PAAF1: variants seen among roughly 807,000 people sequenced by gnomAD.
PAAF1 encodes proteasomal ATPase-associated factor 1.
PAAF1 carries 46 observed loss-of-function variants against 52.8 expected under a neutral mutation model. The observed-to-expected ratio is 0.87, with a 90% CI of 0.69 to 1.11. PAAF1 has a LOEUF of 1.11. Among genes scored for constraint, PAAF1 ranks in the 50% most tolerant of loss-of-function variants. The probability of loss-of-function intolerance (pLI) is 0.00; values close to 1 mark genes in which losing one functional copy is unlikely to be tolerated. For missense variants in PAAF1, 424 were observed against 477.4 expected, an observed-to-expected ratio of 0.89 and a Z score of 1.04; for synonymous variants, 178 against 172.8, an observed-to-expected ratio of 1.03 and a Z score of -0.24.
intron 7 of PAAF1, among the ~76,000 whole-genome samples, chr11:73,913,712 GA>G (rs1482619957): frequency 6.9e-6 from 1 of 144,592 alleles, no homozygotes; most frequent in Non-Finnish European, 1.5e-5. Context: ...AAAAAAAAAA[GA>G]AAAAAAGAAT....
rs1950442363 is a variant in PAAF1, at chr11:73,930,504, T to C, written c.*3142T>C. 6.6e-6 allele frequency: 1 copy of C among 152,210 alleles called. No homozygotes were observed. Among genetic ancestry groups the C allele is most frequent in the Non-Finnish European group, 1.5e-5 (1 of 68,082 alleles). The allele number at this position is 152,210 out of a possible 1,614,324, so 9.4% of individuals were successfully genotyped here. On this transcript the variant is annotated 3_prime_UTR_variant, in exon 12 of 12. Transcript: ENST00000310571. ...GCTCACGCCTGTAATCCCAGCACTT[T>C]GGGAGGCTGGGGTGGGTGGATCGCT...
intron 1 of PAAF1, chr11:73,877,357 A>G (rs1321659893): frequency 3.4e-6 from 1 of 294,110 alleles, no homozygotes; most frequent in Admixed American, 5.2e-5. Flanking sequence ...CTTTTGGCCA[A>G]GCAGTCATTT....
intron 2 of PAAF1, among the ~76,000 whole-genome samples, chr11:73,882,871 G>T (rs71464089): frequency 0.057 from 8,650 of 151,974 alleles, 273 homozygotes; most frequent in Middle Eastern, 0.11. Context: ...CCAAAGTGCT[G>T]GGATTACAGG....
At chr11:73,911,015 C>G (rs1162838996) in intron 7 of PAAF1, among the ~76,000 whole-genome samples, 1 of 141,692 alleles carries the variant, frequency 7.1e-6, no homozygotes, top group Non-Finnish European at 1.5e-5. Context: ...AAAAAAAGTA[C>G]AGGGAGTTCT....
At chr11:73,924,913 G>A (rs1950311325) in intron 11 of PAAF1, among the ~76,000 whole-genome samples, 1 of 152,106 alleles carries the variant, frequency 6.6e-6, no homozygotes, top group African/African-American at 2.4e-5. Context: ...AGTACTTTGG[G>A]AGGCCGAGAC....
At chr11:73,904,267 A>G (rs1949700313) in intron 6 of PAAF1, among the ~76,000 whole-genome samples, 1 of 152,100 alleles carries the variant, frequency 6.6e-6, no homozygotes, top group African/African-American at 2.4e-5. Context: ...TTGTGATTGT[A>G]ACATATGAGT....
intron 1 of PAAF1, chr11:73,877,370 C>A: frequency 3.8e-6 from 1 of 265,964 alleles, no homozygotes. Context: ...AGTCATTTAG[C>A]AAATATTGAT....
Position 73,928,365 on chromosome 11 carries a change from T to C in PAAF1, c.*1003T>C, listed in dbSNP as rs1051751638. On this transcript the variant is annotated 3_prime_UTR_variant, in exon 12 of 12. Transcript: ENST00000310571. ...ATAGTGAAGGAGCACGAATGTTAGC[T>C]AAGGAGCTCAGACTTTACGTGGTTG... The C allele has an allele frequency of 6.6e-6, 1 of 152,176 alleles. No homozygotes were observed. The highest frequency in any genetic ancestry group is 1.5e-5 in the Non-Finnish European group (1 of 68,040). 9.4% of individuals were successfully genotyped at this position (152,176 alleles called of 1,614,324 possible). A position where few individuals can be genotyped will look rare whatever the true frequency, so the allele number is the denominator to read the frequency against.
chr11:73,897,563 C>T (rs1246909484), intron 4 of PAAF1, among the ~76,000 whole-genome samples: 3 of 148,990 alleles, frequency 2.0e-5, no homozygotes, highest in East Asian at 2.0e-4. Flanking sequence ...CGGGCAGAGA[C>T]GCTCCTCACT....
rs747167389 is a variant in PAAF1 at position 73,921,743 on chromosome 11, C to G, written c.1018+2711C>G. 310 of 1,158,464 alleles carry G rather than the reference C, an allele frequency of 2.7e-4. 1 individual carries two copies. The highest frequency in any genetic ancestry group is 9.6e-4 in the Admixed American group (55 of 57,462). The allele number at this position is 1,158,464 out of a possible 1,614,324, so 71.8% of individuals were successfully genotyped here. The stretch of plus-strand genomic sequence containing the variant: ...TTGCAGCGTTTATCATTCTGAGGGT[C>G]GAAAACTTTCTCACAAAGTCTCAGC... On this transcript the variant is annotated intron_variant, in intron 10 of 11. Transcript: ENST00000310571.
rs1280819374 is a variant in PAAF1 at position 73,898,985 on chromosome 11, G to A, written c.283-161G>A. ...ACTTCAGCCTTGTTGGGAGGTTGGT[G>A]ATGATAACTCAACCTTTACATCAAA... On this transcript the variant is annotated intron_variant, in intron 4 of 11. Transcript: ENST00000310571. Among the ~76,000 whole-genome samples the A allele has an allele frequency of 2.0e-5, 3 of 152,350 alleles. No individual in the cohort carries two copies. The East Asian group carries it at 5.8e-4, about 29-fold the overall frequency.
intron 11 of PAAF1, among the ~76,000 whole-genome samples, chr11:73,925,431 A>C (rs762357223): frequency 2.7e-5 from 4 of 149,020 alleles, no homozygotes; most frequent in Non-Finnish European, 4.4e-5. Flanking sequence ...GTACCATTGC[A>C]CTCTAGTCTG....
chr11:73,907,006 C>T lies in PAAF1; in HGVS notation c.533-2393C>T, dbSNP rs569959113. On this transcript the variant is annotated intron_variant, in intron 6 of 11. Coordinates refer to ENST00000310571, the MANE Select transcript of PAAF1 (RefSeq NM_025155.3). ...CACTACCTCTCTACTCCATACAACTCTGTGTTTTTACACCTGTACCATTGT... is the reference window on the plus strand; with the variant it reads ...CACTACCTCTCTACTCCATACAACTTTGTGTTTTTACACCTGTACCATTGT... Among the ~76,000 whole-genome samples the T allele has an allele frequency of 2.0e-5, 3 of 152,068 alleles. No individual in the cohort carries two copies. In the East Asian group the frequency reaches 5.8e-4, roughly 29 times the overall value.
chr11:73,918,036 CTTCTCCA>C (rs1440709367), intron 9 of PAAF1, among the ~76,000 whole-genome samples: 1 of 152,174 alleles, frequency 6.6e-6, no homozygotes, highest in Non-Finnish European at 1.5e-5. Context: ...GGTGAGACTG[CTTCTCCA>C]AGGAAATGAG....
chr11:73,923,239 T>C (rs1174867088), intron 10 of PAAF1, among the ~76,000 whole-genome samples: 1 of 152,114 alleles, frequency 6.6e-6, no homozygotes, highest in Non-Finnish European at 1.5e-5. Flanking sequence ...GATTAACAGA[T>C]AAATTTGGAA....
chr11:73,920,670 T>A (rs1290978484), intron 10 of PAAF1, among the ~76,000 whole-genome samples: 1 of 151,312 alleles, frequency 6.6e-6, no homozygotes, highest in Non-Finnish European at 1.5e-5. Context: ...CTGGCCAACA[T>A]GGTGAAACGC....
At chr11:73,888,080 C>T (rs1240298022) in intron 3 of PAAF1, among the ~76,000 whole-genome samples, 1 of 152,054 alleles carries the variant, frequency 6.6e-6, no homozygotes, top group African/African-American at 2.4e-5. Context: ...TTGATCTAAC[C>T]CAGTATATCT....
upstream of PAAF1, chr11:73,876,876 C>T: frequency 1.2e-6 from 1 of 807,322 alleles, no homozygotes; most frequent in Non-Finnish European, 1.8e-6. Flanking sequence ...GGAGCGTGCA[C>T]ACGGAAGGGG....
intron 6 of PAAF1, among the ~76,000 whole-genome samples, chr11:73,900,641 C>A (rs1382635476): frequency 6.6e-6 from 1 of 152,128 alleles, no homozygotes; most frequent in Non-Finnish European, 1.5e-5. Flanking sequence ...ATACCTAAAG[C>A]CTTTTCCAGC....
Sources: gnomAD v4.1 joint callset for allele counts (sites outside exome capture counted in the v4.1 genomes callset) on GRCh38, gnomAD v4.1.1 for gene constraint, MANE v1.5 for transcripts, NCBI Gene and HGNC (gene_info 2026-07-23, HGNC 2026-07-21) for gene names.